GRM5: variants seen among roughly 807,000 people sequenced by gnomAD.
The protein encoded by GRM5 is glutamate metabotropic receptor 5.
A neutral mutation model predicts 83.1 loss-of-function variants in GRM5; 19 were observed. The ratio of observed to expected loss-of-function variants is 0.23; its 90% CI spans 0.16 to 0.34. The LOEUF (loss-of-function observed/expected upper bound fraction) is 0.34. Ranked by LOEUF, GRM5 falls within the 10% of genes least tolerant of loss-of-function variation. GRM5 has a pLI of 1.00. For missense variants in GRM5, 1,160 were observed against 1,588.3 expected (o/e 0.73, Z 4.58); for synonymous variants, 675 against 633.6 (o/e 1.07, Z -0.98).
At chr11:88,558,177 G>A (rs1312773965) in intron 8 of GRM5, among the ~76,000 whole-genome samples, 1 of 152,124 alleles carries the variant, frequency 6.6e-6, no homozygotes, top group African/African-American at 2.4e-5. Context: ...CTGAACCAAG[G>A]TGGGAAGCAT....
At chr11:88,937,453 T>C (rs1415125913) in intron 2 of GRM5, among the ~76,000 whole-genome samples, 1 of 151,710 alleles carries the variant, frequency 6.6e-6, no homozygotes, top group Non-Finnish European at 1.5e-5. Context: ...ACAGCCTTCA[T>C]CCTTTCTGCT....
At chr11:88,968,689 A>G (rs1293969315) in intron 2 of GRM5, among the ~76,000 whole-genome samples, 1 of 152,138 alleles carries the variant, frequency 6.6e-6, no homozygotes, top group Admixed American at 6.6e-5. Flanking sequence ...AAAATAAAAA[A>G]TAACACAAAG....
intron 2 of GRM5, chr11:88,984,996 A>G (rs981195313): frequency 4.1e-5 from 21 of 508,108 alleles, no homozygotes; most frequent in South Asian, 3.7e-4. Flanking sequence ...CTGGTACTCA[A>G]TTTTACTCCA....
chr11:88,911,097 G>T (rs1260197892), intron 2 of GRM5, among the ~76,000 whole-genome samples: 5 of 151,982 alleles, frequency 3.3e-5, no homozygotes, highest in African/African-American at 1.2e-4. Context: ...GTCACTTCTT[G>T]ATTTTTCCAT....
chr11:88,584,546 G>A (rs993189108), intron 7 of GRM5, among the ~76,000 whole-genome samples: 2 of 152,050 alleles, frequency 1.3e-5, no homozygotes, highest in African/African-American at 2.4e-5. Context: ...AGGTTCAAGC[G>A]ATTCTCCTGC....
intron 2 of GRM5, among the ~76,000 whole-genome samples, chr11:89,021,232 TC>T (rs1395837550): frequency 6.6e-6 from 1 of 152,052 alleles, no homozygotes; most frequent in African/African-American, 2.4e-5. Flanking sequence ...GTCCTCTGCT[TC>T]CCTCAATGTA....
intron 1 of GRM5, among the ~76,000 whole-genome samples, chr11:89,064,349 G>A (rs902377447): frequency 2.0e-5 from 3 of 152,074 alleles, no homozygotes; most frequent in African/African-American, 4.8e-5. Context: ...TATGACTTTA[G>A]GCTCTGTGGA....
intron 3 of GRM5, among the ~76,000 whole-genome samples, chr11:88,800,544 T>C (rs995258988): frequency 2.6e-5 from 4 of 152,136 alleles, no homozygotes; most frequent in South Asian, 2.1e-4. Context: ...TTAGTGCCAA[T>C]TGCATTGCAC....
intron 3 of GRM5, among the ~76,000 whole-genome samples, chr11:88,745,159 A>G (rs891478962): frequency 6.6e-6 from 1 of 150,686 alleles, no homozygotes; most frequent in African/African-American, 2.4e-5. Context: ...CTTTTTCTCT[A>G]CTACTCACTT....
At chr11:88,859,808 TTAATATA>T (rs1400933564) in intron 2 of GRM5, among the ~76,000 whole-genome samples, 2 of 152,188 alleles carry the variant, frequency 1.3e-5, no homozygotes, top group African/African-American at 4.8e-5. Context: ...AACATAATAT[TTAATATA>T]TAAGTATTTT....
chr11:88,929,441 A>T (rs1214648367), intron 2 of GRM5, among the ~76,000 whole-genome samples: 1 of 152,128 alleles, frequency 6.6e-6, no homozygotes, highest in Non-Finnish European at 1.5e-5. Flanking sequence ...TTAGTTTTTC[A>T]TATTTAAACT....
At chr11:88,631,954 A>C (rs1012024519) in intron 4 of GRM5, among the ~76,000 whole-genome samples, 1 of 152,170 alleles carries the variant, frequency 6.6e-6, no homozygotes, top group Non-Finnish European at 1.5e-5. Flanking sequence ...GGACAAATAG[A>C]TATTTGTCCT....
Position 88,508,726 on chromosome 11 carries a change from AG to A in GRM5, c.3504del (p.Phe1169SerfsTer34), listed in dbSNP as rs770933829. 6.3e-7 allele frequency: 1 copy of A among 1,589,674 alleles called. No individual in the cohort carries two copies. The highest frequency in any genetic ancestry group is 8.6e-7 in the Non-Finnish European group (1 of 1,169,366). ...EELVALTPPS[P>X]FRDSVDSGST... ...CTCCCCGAGTCCACCGAGTCTCTGAAGGGGGACGGCGGGGTGAGAGCCACCA... is the reference window on the plus strand; with the variant it reads ...CTCCCCGAGTCCACCGAGTCTCTGAAGGGGACGGCGGGGTGAGAGCCACCA... On this transcript the variant is annotated frameshift_variant, in exon 10 of 10. Coordinates refer to ENST00000305447, the MANE Select transcript of GRM5 (RefSeq NM_001143831.3). LOFTEE classifies it high-confidence loss of function. The surrounding 1 kb of genome is among the most constrained non-coding windows in gnomAD (Gnocchi z 4.2).
At chr11:88,867,663 T>G (rs1285949512) in intron 2 of GRM5, among the ~76,000 whole-genome samples, 1 of 151,482 alleles carries the variant, frequency 6.6e-6, no homozygotes, top group Admixed American at 6.6e-5. Context: ...TGGTCCCTAA[T>G]CTAGCTGAAT....
At position 88,525,422 on chromosome 11, in the gene GRM5, G is replaced by A; in HGVS notation, c.2631-18C>T. The A allele has an allele frequency of 6.8e-7, 1 of 1,464,300 alleles. No individual in the cohort carries two copies. Among genetic ancestry groups the A allele is most frequent in the Non-Finnish European group, 9.6e-7 (1 of 1,045,392 alleles). The allele number at this position is 1,464,300 out of a possible 1,614,324, so 90.7% of individuals were successfully genotyped here. ...CTTTGTACCTGGTGAGCATGAACAA[G>A]GACAGGAGCAAACAGAAAGACGTGA... On this transcript the variant is annotated intron_variant, in intron 8 of 9. Transcript: ENST00000305447.
chr11:88,506,940 T>C lies in GRM5; in HGVS notation c.*1652A>G, dbSNP rs1393619958. 1.4e-5 allele frequency: 2 copies of C among 147,422 alleles called. No individual in the cohort carries two copies. Among genetic ancestry groups the C allele is most frequent in the African/African-American group, 5.4e-5 (2 of 36,906 alleles). The allele number at this position is 147,422 out of a possible 1,614,324, so 9.1% of individuals were successfully genotyped here. A position where few individuals can be genotyped will look rare whatever the true frequency, so the allele number is the denominator to read the frequency against. ...TATACTTCTGCCTCACAGCACATAT[T>C]TTTCATAAGGCTATCTTAAGTATAA... On this transcript the variant is annotated 3_prime_UTR_variant, in exon 10 of 10. Transcript: ENST00000305447.
At chr11:88,514,162 A>G (rs1390481864) in intron 9 of GRM5, among the ~76,000 whole-genome samples, 1 of 152,182 alleles carries the variant, frequency 6.6e-6, no homozygotes, top group Admixed American at 6.5e-5. Context: ...TCCAGGCACC[A>G]TTTAACCCTT....
Position 88,748,674 on chromosome 11 carries a change from T to A in GRM5, c.912-95271A>T, listed in dbSNP as rs201580985. 3.3e-5 allele frequency among the ~76,000 whole-genome samples: 5 copies of A among 152,100 alleles called. No individual in the cohort carries two copies. In the East Asian group the frequency reaches 9.7e-4, roughly 29 times the overall value. ...CTTCCAATGGAGGTCTCCAGCCACCTCCTACAGGTGAATGCAGGCTGGCAA... is the reference window on the plus strand; with the variant it reads ...CTTCCAATGGAGGTCTCCAGCCACCACCTACAGGTGAATGCAGGCTGGCAA... On this transcript the variant is annotated intron_variant, in intron 3 of 9. Transcript: ENST00000305447.
chr11:88,819,488 T>G (rs866379663), intron 3 of GRM5, among the ~76,000 whole-genome samples: 17 of 152,232 alleles, frequency 1.1e-4, no homozygotes, highest in African/African-American at 2.9e-4. Context: ...CTGCACAGAT[T>G]TTTCCCAGAT....
Sources: allele counts gnomAD v4.1 joint callset (sites outside exome capture counted in the v4.1 genomes callset), GRCh38; gene constraint gnomAD v4.1.1; non-coding constraint Gnocchi (gnomAD v3.1); transcripts MANE v1.5; gene names NCBI Gene and HGNC (gene_info 2026-07-23, HGNC 2026-07-21).